Variants in CRACR2A observed in about 807,000 individuals in gnomAD.
CRACR2A encodes EF-hand calcium-binding domain-containing protein 4B.
CRACR2A carries 79 observed loss-of-function variants against 90.5 expected under a neutral mutation model. The observed-to-expected ratio is 0.87, with a 90% CI of 0.73 to 1.05. The LOEUF (loss-of-function observed/expected upper bound fraction) is 1.05, where lower values mean the gene tolerates loss of function less well. Ranked by LOEUF, CRACR2A falls within the 50% of genes least tolerant of loss-of-function variation. CRACR2A has a pLI of 0.00. For missense variants in CRACR2A, 823 were observed against 897.2 expected (o/e 0.92, Z 1.06); for synonymous variants, 338 against 356.7 (o/e 0.95, Z 0.59).
rs1944405072 is a variant in CRACR2A at position 3,633,240 on chromosome 12, A to G, written c.1735+364T>C. The stretch of plus-strand genomic sequence containing the variant: ...CCTGGTCAGTTCAGGGGGAGCAGGA[A>G]GACCCAGGACCCTGCTGACAGTGGG... On this transcript the variant is annotated intron_variant, in intron 15 of 19. Transcript: ENST00000440314. The surrounding 1 kb of genome is among the most constrained non-coding windows in gnomAD (Gnocchi z 4.5). Among the ~76,000 whole-genome samples, 1 of 152,072 alleles carries G rather than the reference A, an allele frequency of 6.6e-6. No individual in the cohort carries two copies. The highest frequency in any genetic ancestry group is 1.5e-5 in the Non-Finnish European group (1 of 67,994).
chr12:3,645,223 A>G (rs1944662102), intron 11 of CRACR2A, among the ~76,000 whole-genome samples: 1 of 152,202 alleles, frequency 6.6e-6, no homozygotes. Context: ...TATTTCAACT[A>G]CAGTGGTCAG....
intron 17 of CRACR2A, among the ~76,000 whole-genome samples, chr12:3,621,672 A>AAAAAAAAAAAAAAAAAAAAAAAAAAAC (rs1565460356): frequency 6.9e-6 from 1 of 145,712 alleles, no homozygotes; most frequent in African/African-American, 2.5e-5. Context: ...AAAAAAAAAA[A>AAAAAAAAAAAAAAAAAAAAAAAAAAAC]AAAAAAAAAC....
At position 3,619,304 on chromosome 12, in the gene CRACR2A, T is replaced by G; in HGVS notation, c.2001A>C (p.Glu667Asp). 1 of 1,551,674 alleles carries G rather than the reference T, an allele frequency of 6.4e-7. No individual in the cohort carries two copies. Among genetic ancestry groups the G allele is most frequent in the Non-Finnish European group, 8.7e-7 (1 of 1,146,990 alleles). ...GNKLDNEKER[E>D]VPRGLGEQLA... ...GCTGCTCTCCGAGGCCCCGGGGGACTTCCCGCTCCTTCTCGTTGTCAAGCT... is the reference window on the plus strand; with the variant it reads ...GCTGCTCTCCGAGGCCCCGGGGGACGTCCCGCTCCTTCTCGTTGTCAAGCT... The change falls in exon 18 of 20, where the codon GAA (glutamate) becomes GAC (aspartate). Residue 667 changes from glutamate (E) to aspartate (D), a missense_variant. Glu to Asp is a conservative substitution (Grantham distance 45). Coordinates refer to ENST00000440314, the MANE Select transcript of CRACR2A (RefSeq NM_001144958.2).
chr12:3,631,768 C>G (rs60514224), intron 15 of CRACR2A, among the ~76,000 whole-genome samples: 1 of 152,164 alleles, frequency 6.6e-6, no homozygotes, highest in Non-Finnish European at 1.5e-5. Context: ...CCTGAAGCAC[C>G]TAGGCAGGGA....
chr12:3,659,852 C>T (rs143266443), intron 7 of CRACR2A, among the ~76,000 whole-genome samples, 198 bp from the exon 8 acceptor site: 23 of 152,180 alleles, frequency 1.5e-4, no homozygotes, highest in Non-Finnish European at 3.1e-4. Context: ...AGAGGCCTTG[C>T]GAGACCTGCC....
intron 7 of CRACR2A, among the ~76,000 whole-genome samples, chr12:3,672,371 A>T (rs1945261205): frequency 6.6e-6 from 1 of 152,238 alleles, no homozygotes; most frequent in Non-Finnish European, 1.5e-5. Flanking sequence ...TGCTGGAAGT[A>T]TCTGAATGGA....
At chr12:3,693,456 T>C (rs1306918765) in intron 4 of CRACR2A, among the ~76,000 whole-genome samples, 1 of 152,246 alleles carries the variant, frequency 6.6e-6, no homozygotes, top group African/African-American at 2.4e-5. Context: ...TAAAGTCTCC[T>C]GTGGGAGTAA....
intron 2 of CRACR2A, among the ~76,000 whole-genome samples, chr12:3,721,261 T>G (rs978422579): frequency 2.6e-5 from 4 of 151,308 alleles, no homozygotes; most frequent in Non-Finnish European, 4.4e-5. Context: ...AGGCCAGCCA[T>G]GATGACTCAC....
intron 4 of CRACR2A, among the ~76,000 whole-genome samples, chr12:3,682,541 A>G (rs1399459310): frequency 6.6e-6 from 1 of 152,150 alleles, no homozygotes; most frequent in South Asian, 2.1e-4. Flanking sequence ...AATTCTTACT[A>G]CTCAAGTGCT....
intron 15 of CRACR2A, among the ~76,000 whole-genome samples, chr12:3,629,777 A>G (rs920146569): frequency 1.4e-5 from 2 of 145,548 alleles, no homozygotes; most frequent in African/African-American, 5.0e-5. Flanking sequence ...CTGCAGCCTC[A>G]GACAGGCAGG....
chr12:3,710,517 G>A (rs1305959870), intron 3 of CRACR2A, among the ~76,000 whole-genome samples: 1 of 152,060 alleles, frequency 6.6e-6, no homozygotes, highest in East Asian at 1.9e-4. Context: ...GAAGTTGGCC[G>A]GGCGCAGTGG....
intron 14 of CRACR2A, among the ~76,000 whole-genome samples, chr12:3,636,714 AT>A (rs1944460281): frequency 6.6e-6 from 1 of 150,562 alleles, no homozygotes; most frequent in Non-Finnish European, 1.5e-5. Flanking sequence ...ATTGAAGGGG[AT>A]GTGGAAGGGC....
At chr12:3,731,432 C>T (rs1207688644) in intron 2 of CRACR2A, 1 of 152,428 alleles carries the variant, frequency 6.6e-6, no homozygotes, top group South Asian at 2.1e-4. Flanking sequence ...TGGAGCACAG[C>T]ATCCAATGTG....
In CRACR2A at chr12:3,621,648, C is replaced by CAAAAAAAAAAA. The variant is rs557648607; in HGVS notation, c.1933-2287_1933-2277dup. ...CCTCAGTGACAGAGAGAGACTCTGT[C>CAAAAAAAAAAA]AAAAAAAAAAAAAAAAAAAAAAAAA... On this transcript the variant is annotated intron_variant, in intron 17 of 19. Coordinates refer to ENST00000440314, the MANE Select transcript of CRACR2A (RefSeq NM_001144958.2). 2.5e-3 allele frequency among the ~76,000 whole-genome samples: 36 copies of CAAAAAAAAAAA among 14,582 alleles called. 2 individuals are homozygous for CAAAAAAAAAAA. The highest frequency in any genetic ancestry group is 8.0e-3 in the African/African-American group (30 of 3,772). 9.6% of individuals were successfully genotyped at this position (14,582 alleles called of 152,430 possible). A position where few individuals can be genotyped will look rare whatever the true frequency, so the allele number is the denominator to read the frequency against.
intron 1 of CRACR2A, among the ~76,000 whole-genome samples, chr12:3,735,802 C>T (rs1238437974): frequency 3.3e-5 from 5 of 152,202 alleles, no homozygotes; most frequent in Admixed American, 2.6e-4. Context: ...GATCTTGGGC[C>T]TCATCTCAGA....
intron 1 of CRACR2A, among the ~76,000 whole-genome samples, chr12:3,749,607 G>A (rs551823147): frequency 2.6e-5 from 4 of 152,216 alleles, no homozygotes; most frequent in African/African-American, 7.2e-5. Context: ...CACAGGTACC[G>A]TCTGGCTTTA....
At chr12:3,649,356 G>C (rs903956931) in intron 10 of CRACR2A, among the ~76,000 whole-genome samples, 1 of 152,136 alleles carries the variant, frequency 6.6e-6, no homozygotes, top group Non-Finnish European at 1.5e-5. Context: ...AGATCTTGAA[G>C]GGTGAGAGCA....
intron 4 of CRACR2A, among the ~76,000 whole-genome samples, chr12:3,694,651 C>T (rs1945707233): frequency 6.6e-6 from 1 of 152,142 alleles, no homozygotes; most frequent in Admixed American, 6.5e-5. Context: ...CACAGCTGAC[C>T]ATGAGAAGCC....
intron 6 of CRACR2A, among the ~76,000 whole-genome samples, chr12:3,674,147 AAAG>A (rs2137582279): frequency 6.6e-6 from 1 of 152,312 alleles, no homozygotes; most frequent in Non-Finnish European, 1.5e-5. Flanking sequence ...GCTGAGAGGT[AAAG>A]ACGTGCCATG....
Sources: gnomAD v4.1 joint callset for allele counts (sites outside exome capture counted in the v4.1 genomes callset) on GRCh38, gnomAD v4.1.1 for gene constraint, Gnocchi (gnomAD v3.1) non-coding constraint, MANE v1.5 for transcripts, NCBI Gene and HGNC (gene_info 2026-07-23, HGNC 2026-07-21) for gene names.